Variants in AP1G1 observed in about 807,000 individuals in gnomAD.
AP1G1 encodes adaptor related protein complex 1 subunit gamma 1.
A neutral mutation model predicts 108.3 loss-of-function variants in AP1G1; 7 were observed. That is an observed-to-expected ratio of 0.06 (90% CI 0.04 to 0.12). The LOEUF is 0.12. AP1G1 is among the 10% of genes least tolerant of loss of function. The pLI, the probability that AP1G1 is intolerant of heterozygous loss-of-function variation, is 1.00. For missense variants in AP1G1, 756 were observed against 1,010.7 expected (o/e 0.75, Z 3.42); for synonymous variants, 379 against 353.5 (o/e 1.07, Z -0.81).
chr16:71,739,380 G>C, intron 19 of AP1G1, 39 bp from the exon 20 acceptor site: 2 of 1,397,012 alleles, frequency 1.4e-6, no homozygotes, highest in African/African-American at 3.1e-5. Flanking sequence ...ACCTTAGGCA[G>C]CATGACAAAG....
chr16:71,758,610 A>C (rs2030926306), intron 11 of AP1G1, 198 bp downstream of exon 11: 1 of 609,060 alleles, frequency 1.6e-6, no homozygotes, highest in South Asian at 1.7e-5. Context: ...TTAACAACCT[A>C]AACTTCTCCC....
At chr16:71,773,686 T>A (rs1275749069) in intron 3 of AP1G1, among the ~76,000 whole-genome samples, 1 of 152,122 alleles carries the variant, frequency 6.6e-6, no homozygotes, top group Non-Finnish European at 1.5e-5. Flanking sequence ...TTCACACCTG[T>A]AATCCTAGCA....
chr16:71,751,660 T>A (rs1245316328), intron 13 of AP1G1, among the ~76,000 whole-genome samples: 1 of 152,122 alleles, frequency 6.6e-6, no homozygotes, highest in African/African-American at 2.4e-5. Context: ...CAAGAAAGCA[T>A]CAGGGTGATC....
intron 1 of AP1G1, among the ~76,000 whole-genome samples, chr16:71,798,209 C>T (rs1471148040): frequency 6.6e-6 from 1 of 150,864 alleles, no homozygotes; most frequent in Admixed American, 6.6e-5. Flanking sequence ...ACTTTAGAGG[C>T]CAAGGTGGGA....
intron 19 of AP1G1, 40 bp from the exon 20 acceptor site, chr16:71,739,381 C>CA (rs3838874): frequency 0.36 from 536,073 of 1,472,780 alleles, 102,458 homozygotes; most frequent in East Asian, 0.7. Context: ...CCTTAGGCAG[C>CA]ATGACAAAGC....
rs2045487128 is a variant in AP1G1, at chr16:71,732,786, A to C, written c.*272T>G. 1 of 322,458 alleles carries C rather than the reference A, an allele frequency of 3.1e-6. No individual in the cohort carries two copies. Among genetic ancestry groups the C allele is most frequent in the African/African-American group, 2.1e-5 (1 of 47,026 alleles). The allele number at this position is 322,458 out of a possible 1,614,324, so 20.0% of individuals were successfully genotyped here. On this transcript the variant is annotated 3_prime_UTR_variant, in exon 23 of 23. Coordinates refer to ENST00000299980, the MANE Select transcript of AP1G1 (RefSeq NM_001128.6). ...CCCAGGGAATGTTGATTCTGGCTGT[A>C]AATGTGGGAGGGGTGGAGAAGTGCG...
At chr16:71,742,525 C>T (rs1350257809) in intron 19 of AP1G1, 2 of 152,110 alleles carry the variant, frequency 1.3e-5, no homozygotes, top group Non-Finnish European at 1.5e-5. Context: ...CAATGGGCCT[C>T]ACAAATATCT....
chr16:71,735,544 C>T (rs1392232708), intron 21 of AP1G1, among the ~76,000 whole-genome samples: 2 of 151,912 alleles, frequency 1.3e-5, no homozygotes, highest in Non-Finnish European at 2.9e-5. Context: ...TGCCTGTAGT[C>T]CCAGCTACTC....
intron 1 of AP1G1, among the ~76,000 whole-genome samples, chr16:71,802,743 G>A (rs2032851040): frequency 2.0e-5 from 3 of 149,086 alleles, no homozygotes; most frequent in South Asian, 2.1e-4. Flanking sequence ...AAAAAAATTC[G>A]TACAGCCAGA....
At chr16:71,792,570 A>AG (rs2032443721) in intron 1 of AP1G1, among the ~76,000 whole-genome samples, 1 of 152,068 alleles carries the variant, frequency 6.6e-6, no homozygotes, top group African/African-American at 2.4e-5. Context: ...ACAAGTGAGG[A>AG]GGCCGGGTGC....
chr16:71,788,174 C>G (rs1274560119), intron 2 of AP1G1, among the ~76,000 whole-genome samples: 1 of 152,178 alleles, frequency 6.6e-6, no homozygotes, highest in Non-Finnish European at 1.5e-5. Flanking sequence ...GATCTCCTTC[C>G]ACTGAAATTA....
intron 2 of AP1G1, among the ~76,000 whole-genome samples, chr16:71,777,419 T>C (rs1400032085): frequency 1.3e-5 from 2 of 150,108 alleles, no homozygotes; most frequent in Non-Finnish European, 3.0e-5. Flanking sequence ...AATGGTAGAG[T>C]GAGGGTGGAG....
At chr16:71,808,622 C>T in intron 1 of AP1G1, 141 bp downstream of exon 1, 2 of 1,289,724 alleles carry the variant, frequency 1.6e-6, no homozygotes, top group South Asian at 2.5e-5. Context: ...CTCTCCTGGC[C>T]CAGCTTCTCT....
intron 1 of AP1G1, chr16:71,808,515 A>G (rs1239894179): frequency 1.6e-6 from 2 of 1,265,200 alleles, no homozygotes; most frequent in South Asian, 2.6e-5. Context: ...CGGCGGGGCA[A>G]CGCCACAACA....
intron 1 of AP1G1, chr16:71,807,676 T>C: frequency 1.7e-6 from 1 of 572,266 alleles, no homozygotes; most frequent in Non-Finnish European, 2.7e-6. Context: ...AAGTATTTTT[T>C]AGAATCAGTC....
At chr16:71,748,450 G>C in intron 15 of AP1G1, 72 bp from the exon 16 acceptor site, 1 of 1,509,890 alleles carries the variant, frequency 6.6e-7, no homozygotes, top group Non-Finnish European at 8.9e-7. Flanking sequence ...CTGATATCAA[G>C]TCAGGGGAAG....
chr16:71,753,332 A>G (rs151032806), intron 13 of AP1G1, among the ~76,000 whole-genome samples: 94 of 152,298 alleles, frequency 6.2e-4, no homozygotes, highest in African/African-American at 2.1e-3. Flanking sequence ...TAACATATTC[A>G]AAATAAAATG....
At chr16:71,740,230 T>C (rs1460739696) in intron 19 of AP1G1, among the ~76,000 whole-genome samples, 2 of 152,174 alleles carry the variant, frequency 1.3e-5, no homozygotes, top group Non-Finnish European at 2.9e-5. Context: ...TAATTCTTTG[T>C]TGTAGGGGGC....
chr16:71,754,249 A>C (rs1306626821), intron 12 of AP1G1, among the ~76,000 whole-genome samples: 1 of 151,382 alleles, frequency 6.6e-6, no homozygotes, highest in Non-Finnish European at 1.5e-5. Flanking sequence ...GAAAGAGAAG[A>C]GAAGAAAGAA....
Sources: allele counts gnomAD v4.1 joint callset (sites outside exome capture counted in the v4.1 genomes callset), GRCh38; gene constraint gnomAD v4.1.1; transcripts MANE v1.5; gene names NCBI Gene and HGNC (gene_info 2026-07-23, HGNC 2026-07-21).